The following RPS6KC1 variants were observed in gnomAD, a reference collection of about 807,000 sequenced individuals.
RPS6KC1 encodes the protein inactive ribosomal protein S6 kinase delta-1.
A neutral mutation model predicts 103.8 loss-of-function variants in RPS6KC1; 54 were observed. The ratio of observed to expected loss-of-function variants is 0.52; its 90% CI spans 0.42 to 0.65. The LOEUF is 0.65. Among genes scored for constraint, RPS6KC1 ranks in the 30% least tolerant of loss-of-function variants. RPS6KC1 has a pLI of 0.00. For synonymous variants in RPS6KC1, 439 were observed against 438.7 expected, an observed-to-expected ratio of 1.00 and a Z score of -0.01; for missense variants, 1,151 against 1,253.8, an observed-to-expected ratio of 0.92 and a Z score of 1.24.
chr1:213,692,388 C>CAAA, the RPS6KC1 span, among the ~76,000 whole-genome samples: 2,478 of 134,700 alleles, frequency 0.018, 44 homozygotes, highest in East Asian at 0.083. Flanking sequence ...GACTCTGTCT[C>CAAA]AAAAAAAAAA....
chr1:213,204,606 T>C (rs531671289), intron 8 of RPS6KC1, among the ~76,000 whole-genome samples: 4 of 151,470 alleles, frequency 2.6e-5, no homozygotes, highest in African/African-American at 9.7e-5. Flanking sequence ...AAACAATTTC[T>C]AATTTAATTG....
At chr1:213,253,974 T>C (rs1206049499) in intron 12 of RPS6KC1, among the ~76,000 whole-genome samples, 1 of 152,182 alleles carries the variant, frequency 6.6e-6, no homozygotes, top group Admixed American at 6.5e-5. Flanking sequence ...AACTTTGTTA[T>C]TCTGTGTTTT....
At chr1:213,109,924 A>G (rs1413224969) in intron 4 of RPS6KC1, among the ~76,000 whole-genome samples, 1 of 152,086 alleles carries the variant, frequency 6.6e-6, no homozygotes, top group Non-Finnish European at 1.5e-5. Context: ...ATGTATCAGT[A>G]GTTCATTCCT....
chr1:213,765,605 A>T, the RPS6KC1 span, among the ~76,000 whole-genome samples: 1 of 151,988 alleles, frequency 6.6e-6, no homozygotes, highest in African/African-American at 2.4e-5. Flanking sequence ...TATTTGTTGA[A>T]CCGCAAAACT....
At chr1:213,676,824 C>G in the RPS6KC1 span, among the ~76,000 whole-genome samples, 2 of 152,218 alleles carry the variant, frequency 1.3e-5, no homozygotes, top group South Asian at 4.1e-4. Context: ...TAAAATGCAT[C>G]AATAAAATGT....
chr1:213,801,236 T>C, the RPS6KC1 span, among the ~76,000 whole-genome samples: 1 of 152,170 alleles, frequency 6.6e-6, no homozygotes, highest in South Asian at 2.1e-4. Flanking sequence ...GGTCAAATCA[T>C]ATTCAAGGAG....
the RPS6KC1 span, among the ~76,000 whole-genome samples, chr1:213,685,159 T>C: frequency 6.6e-6 from 1 of 152,312 alleles, no homozygotes; most frequent in Non-Finnish European, 1.5e-5. Flanking sequence ...CCTGCTTTGT[T>C]GTAACCAGTT....
At chr1:213,549,823 C>T in the RPS6KC1 span, among the ~76,000 whole-genome samples, 1 of 151,924 alleles carries the variant, frequency 6.6e-6, no homozygotes, top group Non-Finnish European at 1.5e-5. Flanking sequence ...CAGCACCACC[C>T]AAGCCTGGTG....
chr1:213,828,600 A>G, the RPS6KC1 span, among the ~76,000 whole-genome samples: 1 of 152,174 alleles, frequency 6.6e-6, no homozygotes, highest in African/African-American at 2.4e-5. Context: ...TCAGTTGTAT[A>G]ATCCTTTCCT....
At chr1:213,079,698 G>A (rs1256448115) in intron 3 of RPS6KC1, among the ~76,000 whole-genome samples, 2 of 152,024 alleles carry the variant, frequency 1.3e-5, no homozygotes, top group African/African-American at 2.4e-5. Context: ...GATTACAGTT[G>A]TGATCCACCG....
chr1:213,856,572 C>T, the RPS6KC1 span, among the ~76,000 whole-genome samples: 1 of 149,916 alleles, frequency 6.7e-6, no homozygotes, highest in Non-Finnish European at 1.5e-5. Context: ...ATTTTATGGC[C>T]TCAGCCCAAT....
At chr1:213,797,833 C>A in the RPS6KC1 span, among the ~76,000 whole-genome samples, 1 of 152,140 alleles carries the variant, frequency 6.6e-6, no homozygotes, top group East Asian at 1.9e-4. Context: ...TCATTTGACC[C>A]AAGTGCTCTT....
intron 6 of RPS6KC1, among the ~76,000 whole-genome samples, chr1:213,157,397 C>T (rs1270808640): frequency 2.0e-5 from 3 of 151,798 alleles, no homozygotes; most frequent in Admixed American, 1.3e-4. Context: ...TTAGTAGAGA[C>T]GGGGTTTCAC....
chr1:213,524,159 G>A, the RPS6KC1 span, among the ~76,000 whole-genome samples: 11 of 152,222 alleles, frequency 7.2e-5, no homozygotes, highest in East Asian at 1.2e-3. Context: ...GATGGCTGCC[G>A]GAGATGCCCA....
At chr1:213,218,164 A>C (rs1485917849) in intron 8 of RPS6KC1, among the ~76,000 whole-genome samples, 1 of 152,208 alleles carries the variant, frequency 6.6e-6, no homozygotes, top group African/African-American at 2.4e-5. Context: ...CTGATAAGCA[A>C]CTTCAGCAAA....
At chr1:213,841,242 C>T in the RPS6KC1 span, 5 of 152,164 alleles carry the variant, frequency 3.3e-5, no homozygotes, top group Non-Finnish European at 5.9e-5. Context: ...ATCTGTAAAT[C>T]TGTTAAGTTT....
chr1:213,351,085 A>G, the RPS6KC1 span, among the ~76,000 whole-genome samples: 6 of 152,188 alleles, frequency 3.9e-5, no homozygotes, highest in African/African-American at 1.4e-4. Context: ...GTACATGTAC[A>G]TATTTACTTT....
chr1:213,496,757 C>T, the RPS6KC1 span, among the ~76,000 whole-genome samples: 26 of 151,682 alleles, frequency 1.7e-4, no homozygotes, highest in Admixed American at 6.6e-5. Flanking sequence ...GACTCAGTCT[C>T]GGGGGAAAAA....
chr1:213,848,388 C>A, the RPS6KC1 span, among the ~76,000 whole-genome samples: 1 of 152,104 alleles, frequency 6.6e-6, no homozygotes, highest in Non-Finnish European at 1.5e-5. Context: ...TTAATGCAAG[C>A]ATACAGTATG....
Sources: allele counts gnomAD v4.1 joint callset (sites outside exome capture counted in the v4.1 genomes callset), GRCh38; gene constraint gnomAD v4.1.1; transcripts MANE v1.5; gene names NCBI Gene and HGNC (gene_info 2026-07-23, HGNC 2026-07-21).